The following BICDL1 variants were observed in gnomAD, a reference collection of about 807,000 sequenced individuals.
The protein encoded by BICDL1 is BICD family-like cargo adapter 1.
In BICDL1, 20 loss-of-function variants were observed where a neutral mutation model predicts 76.8. The observed-to-expected ratio is 0.26, with a 90% CI of 0.18 to 0.38. The LOEUF is 0.38. Among genes scored for constraint, BICDL1 ranks in the 10% least tolerant of loss-of-function variants. The pLI, the probability that BICDL1 is intolerant of heterozygous loss-of-function variation, is 1.00. For missense variants in BICDL1, 700 were observed against 798.6 expected, an observed-to-expected ratio of 0.88 and a Z score of 1.49; for synonymous variants, 383 against 337.1, an observed-to-expected ratio of 1.14 and a Z score of -1.49.
chr12:120,082,919 C>A (rs1874105800), intron 8 of BICDL1, among the ~76,000 whole-genome samples: 1 of 152,018 alleles, frequency 6.6e-6, no homozygotes, highest in Admixed American at 6.6e-5. Flanking sequence ...CTCACTCTGT[C>A]ACCCATGCTC....
At chr12:120,069,576 C>G (rs1449031357) in intron 4 of BICDL1, among the ~76,000 whole-genome samples, 1 of 152,180 alleles carries the variant, frequency 6.6e-6, no homozygotes, top group Non-Finnish European at 1.5e-5. Context: ...AGGGGCCAGC[C>G]TAGGGCCTTG....
At chr12:120,058,820 A>G (rs546570187) in intron 2 of BICDL1, among the ~76,000 whole-genome samples, 10 of 151,532 alleles carry the variant, frequency 6.6e-5, no homozygotes, top group African/African-American at 2.4e-4. Context: ...CAAACTCCTT[A>G]CCTCAGGTGA....
intron 9 of BICDL1, chr12:120,090,918 C>T (rs1210619451): frequency 2.3e-6 from 3 of 1,288,844 alleles, no homozygotes; most frequent in Admixed American, 4.6e-5. Context: ...CAGTTTGCTT[C>T]CTCAGGGCTT....
At chr12:120,080,495 A>T (rs1298621020) in intron 7 of BICDL1, among the ~76,000 whole-genome samples, 2 of 152,078 alleles carry the variant, frequency 1.3e-5, no homozygotes, top group African/African-American at 2.4e-5. Context: ...TGAGTGGGAG[A>T]TGGTGGGAAA....
At chr12:120,059,920 C>A (rs766893653) in intron 2 of BICDL1, among the ~76,000 whole-genome samples, 3 of 152,128 alleles carry the variant, frequency 2.0e-5, no homozygotes, top group Non-Finnish European at 4.4e-5. Context: ...ACCATGTTGG[C>A]CAGGCTGGTC....
intron 2 of BICDL1, among the ~76,000 whole-genome samples, chr12:120,031,136 A>G (rs999827856): frequency 8.5e-5 from 13 of 152,160 alleles, no homozygotes; most frequent in Non-Finnish European, 1.8e-4. Flanking sequence ...CAACTTTTCC[A>G]TAAGTTGAAA....
chr12:120,066,109 C>A (rs1222660615), intron 4 of BICDL1, among the ~76,000 whole-genome samples: 1 of 152,184 alleles, frequency 6.6e-6, no homozygotes, highest in Non-Finnish European at 1.5e-5. Context: ...CTTTGGCATA[C>A]AGGGTGCTTT....
intron 4 of BICDL1, among the ~76,000 whole-genome samples, chr12:120,070,966 A>G (rs1873050270): frequency 6.6e-6 from 1 of 151,426 alleles, no homozygotes. Flanking sequence ...CTGATTTCAG[A>G]TGATCTGCCC....
rs1419401988 is a variant in BICDL1 at position 119,989,245 on chromosome 12, C to T, written c.-624C>T. On this transcript the variant is annotated 5_prime_UTR_variant, in exon 1 of 10. Transcript: ENST00000548673. The stretch of plus-strand genomic sequence containing the variant: ...AGGAGCCGGGGAAGGCAGGAAGGAG[C>T]TCGCCGGGTTGCGCGGCGCGCGATG... 2.7e-5 allele frequency among the ~76,000 whole-genome samples: 4 copies of T among 150,024 alleles called. No homozygotes were observed. The highest frequency in any genetic ancestry group is 2.1e-4 in the South Asian group (1 of 4,826).
chr12:120,049,897 A>T (rs1200992089), intron 2 of BICDL1, among the ~76,000 whole-genome samples: 1 of 152,118 alleles, frequency 6.6e-6, no homozygotes. Flanking sequence ...TATTCCTCCA[A>T]AGTAGGTTAT....
At chr12:120,046,910 A>G (rs1222600178) in intron 2 of BICDL1, among the ~76,000 whole-genome samples, 1 of 152,252 alleles carries the variant, frequency 6.6e-6, no homozygotes, top group Non-Finnish European at 1.5e-5. Context: ...GTTAGTAACC[A>G]GCAGTAGGGA....
In BICDL1 at chr12:120,072,614, T is replaced by C. The variant is rs1461100483; in HGVS notation, c.1193T>C (p.Met398Thr). The C allele has an allele frequency of 1.9e-6, 3 of 1,614,214 alleles. No homozygotes were observed. The highest frequency in any genetic ancestry group is 2.5e-6 in the Non-Finnish European group (3 of 1,180,036). The change falls in exon 6 of 10, where the codon ATG (methionine) becomes ACG (threonine). Residue 398 changes from methionine (M) to threonine (T), a missense_variant. This residue lies in a region of BICDL1 where 455 missense variants were observed against 548.7 expected (regional missense o/e 0.83). Transcript: ENST00000548673. The part of the protein sequence containing the change: ...ADSAVSTDSS[M>T]DESSETSSAK... ...TCAGCCGTCTCCACGGACTCCTCCA[T>C]GGACGAGTCTTCAGAAACCTCGTCC...
rs149217038 is a variant in BICDL1 at position 120,021,553 on chromosome 12, C to G, written c.645+22817C>G. Among the ~76,000 whole-genome samples the G allele has an allele frequency of 3.4e-3, 477 of 141,332 alleles. 3 individuals are homozygous for G. The highest frequency in any genetic ancestry group is 0.012 in the African/African-American group (462 of 37,288). 92.7% of individuals were successfully genotyped at this position (141,332 alleles called of 152,430 possible). On this transcript the variant is annotated intron_variant, in intron 2 of 9. Transcript: ENST00000548673. Reference sequence around the variant, plus strand: ...AGTGAGCCAAGATTGCGCCACTGCACTCCACCCTGGGTGACAGAACGAGAC... The same window carrying G: ...AGTGAGCCAAGATTGCGCCACTGCAGTCCACCCTGGGTGACAGAACGAGAC...
intron 2 of BICDL1, among the ~76,000 whole-genome samples, chr12:120,055,492 A>G (rs1029017751): frequency 6.6e-6 from 1 of 152,238 alleles, no homozygotes; most frequent in Non-Finnish European, 1.5e-5. Flanking sequence ...CCAACAGGAA[A>G]AGGAACACAC....
Position 119,989,854 on chromosome 12 carries a change from C to CCG in BICDL1, c.-6_-5dup. ...GGGCCGGGCCGCACCGCTGCGGGCT[C>CCG]CGCGCGCGCGGGCCATGTCCGCTTT... On this transcript the variant is annotated 5_prime_UTR_variant, in exon 1 of 10. Coordinates refer to ENST00000548673, the MANE Select transcript of BICDL1 (RefSeq NM_001367886.1). 2 of 1,331,990 alleles carry CCG rather than the reference C, an allele frequency of 1.5e-6. No homozygotes were observed. The highest frequency in any genetic ancestry group is 2.0e-5 in the South Asian group (1 of 50,686). 82.5% of individuals were successfully genotyped at this position (1,331,990 alleles called of 1,614,324 possible).
chr12:120,019,141 A>G, intron 2 of BICDL1: 1 of 152,132 alleles, frequency 6.6e-6, no homozygotes, highest in East Asian at 1.9e-4. Context: ...CTTAAGGTGA[A>G]GTGAACCAGC....
intron 2 of BICDL1, among the ~76,000 whole-genome samples, chr12:120,025,114 A>G (rs1273784532): frequency 2.1e-5 from 3 of 144,400 alleles, no homozygotes; most frequent in Non-Finnish European, 4.5e-5. Context: ...CAGTGGCGCG[A>G]TCTCAGCTCA....
intron 9 of BICDL1, 146 bp downstream of exon 9, chr12:120,090,217 A>G: frequency 1.1e-6 from 1 of 916,632 alleles, no homozygotes; most frequent in East Asian, 2.6e-5. Flanking sequence ...CAAGATCCAG[A>G]GCTCATGTCC....
chr12:120,058,590 C>CTTT (rs1039285394), intron 2 of BICDL1, among the ~76,000 whole-genome samples: 2 of 136,140 alleles, frequency 1.5e-5, no homozygotes, highest in East Asian at 2.1e-4. Flanking sequence ...AAATTTTTTT[C>CTTT]TTTTTTTTTT....
Sources: gnomAD v4.1 joint callset for allele counts (sites outside exome capture counted in the v4.1 genomes callset) on GRCh38, gnomAD v4.1.1 for gene constraint, gnomAD v4.1.1 regional missense constraint, MANE v1.5 for transcripts, NCBI Gene and HGNC (gene_info 2026-07-23, HGNC 2026-07-21) for gene names.